STAG1: variants seen among roughly 807,000 people sequenced by gnomAD.
The protein encoded by STAG1 is STAG1 cohesin complex component.
In STAG1, 26 loss-of-function variants were observed where a neutral mutation model predicts 170.9. That is an observed-to-expected ratio of 0.15 (90% CI 0.11 to 0.21). STAG1 has a LOEUF of 0.21. STAG1 is among the 10% of genes least tolerant of loss of function. STAG1 has a pLI of 1.00. For missense variants in STAG1, 964 were observed against 1,509.5 expected (o/e 0.64, Z 5.99); for synonymous variants, 514 against 497.7 (o/e 1.03, Z -0.44).
intron 1 of STAG1, among the ~76,000 whole-genome samples, chr3:136,710,155 T>C (rs935860564): frequency 6.6e-6 from 1 of 152,210 alleles, no homozygotes; most frequent in Non-Finnish European, 1.5e-5. Context: ...CATATACCCC[T>C]GGAAACATGC....
chr3:136,618,138 T>A (rs1239053770), intron 3 of STAG1, among the ~76,000 whole-genome samples: 1 of 152,184 alleles, frequency 6.6e-6, no homozygotes, highest in Non-Finnish European at 1.5e-5. Flanking sequence ...TCCAATTACC[T>A]GCTCCACCCT....
chr3:136,404,279 G>C (rs1416568686), intron 21 of STAG1, among the ~76,000 whole-genome samples: 2 of 152,172 alleles, frequency 1.3e-5, no homozygotes, highest in African/African-American at 4.8e-5. Flanking sequence ...TTATTAGTCT[G>C]ATGACTAATA....
chr3:136,393,371 G>A (rs182415668), intron 22 of STAG1, among the ~76,000 whole-genome samples: 48 of 152,178 alleles, frequency 3.2e-4, no homozygotes, highest in Non-Finnish European at 6.0e-4. Flanking sequence ...CGGACATGGT[G>A]GTGGGTGACT....
intron 21 of STAG1, among the ~76,000 whole-genome samples, chr3:136,411,245 T>C (rs1002595252): frequency 2.0e-5 from 3 of 152,074 alleles, no homozygotes; most frequent in Non-Finnish European, 2.9e-5. Context: ...CTACTGAGGG[T>C]TGTACAAACT....
chr3:136,661,277 G>A (rs1468797375), intron 1 of STAG1, among the ~76,000 whole-genome samples: 1 of 152,118 alleles, frequency 6.6e-6, no homozygotes, highest in Non-Finnish European at 1.5e-5. Flanking sequence ...CTATCAATAT[G>A]AAAATCTCAC....
chr3:136,676,406 A>G (rs760391535), intron 1 of STAG1, among the ~76,000 whole-genome samples: 3 of 152,200 alleles, frequency 2.0e-5, no homozygotes, highest in South Asian at 2.1e-4. Flanking sequence ...CTTTGGTAAT[A>G]ACACTCAGCT....
chr3:136,572,410 G>A (rs1009127474), intron 4 of STAG1, among the ~76,000 whole-genome samples: 1 of 151,518 alleles, frequency 6.6e-6, no homozygotes, highest in African/African-American at 2.4e-5. Context: ...CCTGGGCAAT[G>A]TAGCAAAACC....
At chr3:136,470,747 A>G (rs571360971) in intron 12 of STAG1, among the ~76,000 whole-genome samples, 5 of 152,324 alleles carry the variant, frequency 3.3e-5, no homozygotes, top group Non-Finnish European at 5.9e-5. Context: ...ATGTCCATCA[A>G]TGATAGACTG....
At position 136,416,679 on chromosome 3, in the gene STAG1, T is replaced by C. The variant is rs2087784631; in HGVS notation, c.2196+1206A>G. 2.0e-5 allele frequency among the ~76,000 whole-genome samples: 3 copies of C among 152,118 alleles called. No individual in the cohort carries two copies. In the South Asian group the frequency reaches 6.2e-4, roughly 32 times the overall value. On this transcript the variant is annotated intron_variant, in intron 21 of 33. Coordinates refer to ENST00000383202, the MANE Select transcript of STAG1 (RefSeq NM_005862.3). ...GAGGATGGGAAGTTGATGTCAGCAA[T>C]ACATTTTAAAAAAGAGAGGGTAAAA...
chr3:136,439,024 G>A (rs929220100), intron 15 of STAG1, among the ~76,000 whole-genome samples: 4 of 151,172 alleles, frequency 2.6e-5, no homozygotes, highest in East Asian at 1.9e-4. Flanking sequence ...TGGGGAAACC[G>A]ATCTCTACTA....
intron 4 of STAG1, among the ~76,000 whole-genome samples, chr3:136,587,509 C>G (rs957644984): frequency 3.0e-5 from 4 of 133,364 alleles, no homozygotes; most frequent in Non-Finnish European, 6.2e-5. Context: ...CATTTGCACT[C>G]TAGCCTGGGT....
intron 7 of STAG1, among the ~76,000 whole-genome samples, chr3:136,515,990 A>G (rs1934355357): frequency 6.6e-6 from 1 of 152,168 alleles, no homozygotes; most frequent in Non-Finnish European, 1.5e-5. Context: ...AAGCAATGAA[A>G]AGGTCAAACT....
intron 3 of STAG1, among the ~76,000 whole-genome samples, chr3:136,615,421 G>A (rs1430838594): frequency 5.1e-5 from 2 of 39,480 alleles, no homozygotes; most frequent in African/African-American, 1.0e-4. Flanking sequence ...ACAAGACTTT[G>A]TCCAAAAAAA....
chr3:136,728,647 C>A (rs1933825962), intron 1 of STAG1, among the ~76,000 whole-genome samples: 1 of 152,164 alleles, frequency 6.6e-6, no homozygotes, highest in African/African-American at 2.4e-5. Context: ...TATTATGTTC[C>A]TGTTAACTAT....
intron 4 of STAG1, among the ~76,000 whole-genome samples, chr3:136,573,503 T>C (rs907366268): frequency 6.6e-6 from 1 of 152,002 alleles, no homozygotes; most frequent in Admixed American, 6.6e-5. Flanking sequence ...CCATGGATAA[T>C]ACAGTAACAT....
chr3:136,356,609 T>A (rs1250511806), intron 28 of STAG1, among the ~76,000 whole-genome samples: 4 of 152,200 alleles, frequency 2.6e-5, no homozygotes, highest in African/African-American at 9.6e-5. Context: ...CTTGAACTCC[T>A]GGACTCAAGC....
In STAG1 at chr3:136,341,484, C is replaced by T; in HGVS notation, c.3514G>A (p.Gly1172Arg). The change falls in exon 31 of 34, where the codon GGA becomes AGA. Residue 1172 changes from glycine (G) to arginine (R), a missense_variant. Physicochemically the swap from Gly to Arg is moderately radical, Grantham distance 125 (BLOSUM62 -2). Around this residue, in one of 11 missense-constraint regions of STAG1, gnomAD observed 122 missense variants for 129.0 expected, o/e 0.95. Coordinates refer to ENST00000383202, the MANE Select transcript of STAG1 (RefSeq NM_005862.3). ...GTTCTCACTTTCATGTAGTTCATTC[C>T]TGTTCTGTCCTTCCGATTTAAGTCT... ...LEDLNRKDRTGMNYMKVRTGV... is the reference protein window; with the variant it reads ...LEDLNRKDRTRMNYMKVRTGV... The T allele has an allele frequency of 6.2e-7, 1 of 1,613,974 alleles. No homozygotes were observed. Among genetic ancestry groups the T allele is most frequent in the Non-Finnish European group, 8.5e-7 (1 of 1,179,948 alleles).
At chr3:136,402,493 G>C (rs1477313141) in intron 21 of STAG1, among the ~76,000 whole-genome samples, 1 of 151,964 alleles carries the variant, frequency 6.6e-6, no homozygotes, top group Non-Finnish European at 1.5e-5. Context: ...TAGGATTACA[G>C]GTGTCAGCCA....
At chr3:136,696,339 T>C (rs899738098) in intron 1 of STAG1, among the ~76,000 whole-genome samples, 2 of 152,180 alleles carry the variant, frequency 1.3e-5, no homozygotes, top group African/African-American at 4.8e-5. Context: ...TTTTCCTCCT[T>C]GGCCCCTTGA....
Sources: gnomAD v4.1 joint callset for allele counts (sites outside exome capture counted in the v4.1 genomes callset) on GRCh38, gnomAD v4.1.1 for gene constraint, gnomAD v4.1.1 regional missense constraint, MANE v1.5 for transcripts, NCBI Gene and HGNC (gene_info 2026-07-23, HGNC 2026-07-21) for gene names.